Variants in PKP2 observed in about 807,000 individuals in gnomAD.
PKP2 encodes the protein plakophilin-2.
A neutral mutation model predicts 83.4 loss-of-function variants in PKP2; 73 were observed. That is an observed-to-expected ratio of 0.88 (90% CI 0.72 to 1.06). The LOEUF (loss-of-function observed/expected upper bound fraction) is 1.06. PKP2 is among the 50% of genes least tolerant of loss of function. The pLI is 0.00. For synonymous variants in PKP2, 409 were observed against 430.4 expected (o/e 0.95, Z 0.62); for missense variants, 966 against 1,065.4 (o/e 0.91, Z 1.30).
At position 32,802,430 on chromosome 12, in the gene PKP2, G is replaced by C. The variant is rs537046857; in HGVS notation, c.2140C>G (p.Arg714Gly). 1.2e-6 allele frequency: 2 copies of C among 1,614,044 alleles called. No individual in the cohort carries two copies. The highest frequency in any genetic ancestry group is 2.2e-5 in the South Asian group (2 of 91,084). The change falls in exon 10 of 13, where the codon CGG becomes GGG. Residue 714 changes from arginine (R) to glycine (G), a missense_variant. By Grantham distance (125) the Arg-to-Gly change is moderately radical. Coordinates refer to ENST00000340811, the MANE Select transcript of PKP2 (RefSeq NM_001005242.3). ...TAISLLRNLS[R>G]NLSLQNEIAK... ...ATTTCATTCTGCAGAGAAAGATTCC[G>C]GGACAGATTCCTCAGCAGCGAGATG...
intron 6 of PKP2, among the ~76,000 whole-genome samples, chr12:32,827,671 T>C (rs550665024): frequency 3.9e-4 from 59 of 152,300 alleles, no homozygotes; most frequent in Middle Eastern, 3.4e-3. Context: ...GGTGGCTCAA[T>C]AGAAAAATAT....
chr12:32,826,216 G>T (rs1439031509), intron 6 of PKP2, among the ~76,000 whole-genome samples: 2 of 148,424 alleles, frequency 1.3e-5, no homozygotes, highest in East Asian at 4.1e-4. Context: ...TGAGGCAGGA[G>T]AATGGTGTGA....
In PKP2 at chr12:32,796,131, T is replaced by C. The variant is rs1956119447; in HGVS notation, c.2335A>G (p.Met779Val). The change falls in exon 11 of 13, where the codon ATG (methionine) becomes GTG (valine). Residue 779 changes from methionine (M) to valine (V), a missense_variant. By Grantham distance (21) the Met-to-Val change is conservative. Coordinates refer to ENST00000340811, the MANE Select transcript of PKP2 (RefSeq NM_001005242.3). ...LLNTGGIQKI[M>V]AISAGDAYAS... is the part of the protein sequence containing the mutation. ...TACGCATCGCCTGCACTAATGGCCA[T>C]AATTTTCTGGATGCCCCCGGTGTTT... is the stretch of plus-strand genomic sequence containing the variant. The C allele has an allele frequency of 1.9e-6, 3 of 1,614,074 alleles. No homozygotes were observed. Among genetic ancestry groups the C allele is most frequent in the Middle Eastern group, 1.6e-4 (1 of 6,062 alleles).
chr12:32,793,370 C>T (rs1043786304), intron 11 of PKP2, among the ~76,000 whole-genome samples: 10 of 151,918 alleles, frequency 6.6e-5, no homozygotes, highest in Non-Finnish European at 1.2e-4. Flanking sequence ...TATTTGTATA[C>T]TTATAATGTA....
rs574240210 is a variant in PKP2 at position 32,892,826 on chromosome 12, G to GGC, written c.223+3682_223+3683insGC. 3.9e-3 allele frequency among the ~76,000 whole-genome samples: 497 copies of GGC among 128,676 alleles called. 99 individuals are homozygous for GGC. Among genetic ancestry groups the GGC allele is most frequent in the Non-Finnish European group, 6.8e-3 (398 of 58,718 alleles). 84.4% of individuals were successfully genotyped at this position (128,676 alleles called of 152,430 possible). A position where few individuals can be genotyped will look rare whatever the true frequency, so the allele number is the denominator to read the frequency against. On this transcript the variant is annotated intron_variant, in intron 1 of 12. Coordinates refer to ENST00000340811, the MANE Select transcript of PKP2 (RefSeq NM_001005242.3). The stretch of plus-strand genomic sequence containing the variant: ...GATACCTGGGGTGGGGGCGGGGGGG[G>GGC]GGGGAGAACTGTGTAGCAAGTAGTA...
At chr12:32,890,645 T>G (rs1184677728) in intron 1 of PKP2, among the ~76,000 whole-genome samples, 1 of 152,136 alleles carries the variant, frequency 6.6e-6, no homozygotes, top group Admixed American at 6.6e-5. Context: ...AATATCCAAT[T>G]ACCAGAAATG....
At chr12:32,818,694 T>C (rs577542864) in intron 9 of PKP2, among the ~76,000 whole-genome samples, 5 of 152,334 alleles carry the variant, frequency 3.3e-5, no homozygotes, top group African/African-American at 1.2e-4. Context: ...GTAAATTATA[T>C]AATCTGTCTT....
Position 32,850,812 on chromosome 12 carries a change from C to G in PKP2, c.1332G>C (p.Gln444His), listed in dbSNP as rs1452293346. 1.2e-6 allele frequency: 2 copies of G among 1,613,358 alleles called. No homozygotes were observed. Among genetic ancestry groups the G allele is most frequent in the Non-Finnish European group, 8.5e-7 (1 of 1,179,872 alleles). Residue 444 changes from glutamine to histidine, a missense_variant, in exon 5 of 13, where the codon CAG becomes CAC. Physicochemically the swap from Gln to His is conservative, Grantham distance 24. Coordinates refer to ENST00000340811, the MANE Select transcript of PKP2 (RefSeq NM_001005242.3). ...CCAAGTCTCTGGTTTGCTTCAGCAC[C>G]TGGAGCAGCCGAGGTACCCCATTTA... ...AELNGVPRLLQVLKQTRDLET... is the reference protein window; with the variant it reads ...AELNGVPRLLHVLKQTRDLET...
chr12:32,870,850 C>T (rs2137925360), intron 3 of PKP2, among the ~76,000 whole-genome samples: 1 of 152,308 alleles, frequency 6.6e-6, no homozygotes, highest in East Asian at 1.9e-4. Context: ...AATTTCCCAT[C>T]TCTAACACCC....
Position 32,834,992 on chromosome 12 carries a change from T to TG in PKP2, c.1556+6035dup, listed in dbSNP as rs1956532011. ...CACAATAGGCGTGTGTGTGTGTGTG[T>TG]GTGTGTGTGTGTGTGTGTGTGTCTA... On this transcript the variant is annotated intron_variant, in intron 6 of 12. Transcript: ENST00000340811. Among the ~76,000 whole-genome samples the TG allele has an allele frequency of 2.0e-5, 3 of 148,720 alleles. No individual in the cohort carries two copies. In the South Asian group the frequency reaches 6.4e-4, roughly 32 times the overall value.
chr12:32,806,293 A>C (rs1217306036), intron 9 of PKP2, among the ~76,000 whole-genome samples: 1 of 152,030 alleles, frequency 6.6e-6, no homozygotes, highest in Non-Finnish European at 1.5e-5. Flanking sequence ...AATGGTACCT[A>C]CCCGCTCTTT....
chr12:32,827,929 C>T (rs942956362), intron 6 of PKP2, among the ~76,000 whole-genome samples: 6 of 152,190 alleles, frequency 3.9e-5, no homozygotes, highest in African/African-American at 1.2e-4. Context: ...AAACTGCATA[C>T]TGTTATATAC....
chr12:32,821,905 C>T (rs1180675191), intron 8 of PKP2: 2 of 281,538 alleles, frequency 7.1e-6, no homozygotes, highest in African/African-American at 4.4e-5. Flanking sequence ...GTGAAAGTGT[C>T]CAGGATAGCA....
At chr12:32,838,229 A>T (rs896402663) in intron 6 of PKP2, among the ~76,000 whole-genome samples, 10 of 152,244 alleles carry the variant, frequency 6.6e-5, no homozygotes, top group African/African-American at 2.2e-4. Flanking sequence ...GCAGCAACAG[A>T]AAACCAAATA....
At chr12:32,842,942 A>G (rs1390651219) in intron 5 of PKP2, among the ~76,000 whole-genome samples, 16 of 140,352 alleles carry the variant, frequency 1.1e-4, no homozygotes, top group South Asian at 4.6e-4. Context: ...CAAAGTGCTG[A>G]GATTACAGGC....
intron 9 of PKP2, among the ~76,000 whole-genome samples, chr12:32,802,946 AC>A (rs1217034064): frequency 6.6e-6 from 1 of 152,080 alleles, no homozygotes; most frequent in Non-Finnish European, 1.5e-5. Flanking sequence ...GGCGTGAACC[AC>A]CATGCCCAGC....
intron 4 of PKP2, among the ~76,000 whole-genome samples, chr12:32,853,189 A>G (rs1043882358): frequency 3.9e-5 from 6 of 152,198 alleles, no homozygotes; most frequent in Non-Finnish European, 8.8e-5. Context: ...AAAATCTGAA[A>G]TCTGAAATAC....
intron 10 of PKP2, 111 bp downstream of exon 10, chr12:32,802,292 T>G (rs1161773879): frequency 7.2e-6 from 8 of 1,112,450 alleles, no homozygotes; most frequent in Admixed American, 1.7e-5. Flanking sequence ...CACCTACTCC[T>G]TACTCCCATT....
Position 32,878,063 on chromosome 12 carries a change from G to T in PKP2, c.817C>A (p.Pro273Thr), listed in dbSNP as rs765756156. ...TAGLTVGQVR[P>T]LVPLQPVTQN... ...GTGACGGGCTGCAGGGGCACCAGCG[G>T]CCTGACCTGCCCGACAGTGAGCCCT... Residue 273 changes from proline to threonine, a missense_variant, in exon 3 of 13, where the codon CCG (proline) becomes ACG (threonine). Coordinates refer to ENST00000340811, the MANE Select transcript of PKP2 (RefSeq NM_001005242.3). The T allele has an allele frequency of 3.7e-6, 6 of 1,614,000 alleles. No individual in the cohort carries two copies. The highest frequency in any genetic ancestry group is 1.7e-5 in the Admixed American group (1 of 60,032).
Sources: gnomAD v4.1 joint callset for allele counts (sites outside exome capture counted in the v4.1 genomes callset) on GRCh38, gnomAD v4.1.1 for gene constraint, MANE v1.5 for transcripts, NCBI Gene and HGNC (gene_info 2026-07-23, HGNC 2026-07-21) for gene names.